Variants in STK39 observed in about 807,000 individuals in gnomAD.
STK39 encodes the protein serine/threonine kinase 39.
STK39 carries 20 observed loss-of-function variants against 77.8 expected under a neutral mutation model. That is an observed-to-expected ratio of 0.26 (90% CI 0.18 to 0.37). The LOEUF (loss-of-function observed/expected upper bound fraction) is 0.37. STK39 is among the 10% of genes least tolerant of loss of function. The pLI, the probability that STK39 is intolerant of heterozygous loss-of-function variation, is 1.00. For missense variants in STK39, 479 were observed against 656.5 expected (o/e 0.73, Z 2.95); for synonymous variants, 246 against 234.1 (o/e 1.05, Z -0.47).
At chr2:168,219,869 CTTTT>C (rs200725506) in intron 1 of STK39, among the ~76,000 whole-genome samples, 45 of 86,618 alleles carry the variant, frequency 5.2e-4, no homozygotes, top group African/African-American at 1.3e-3. Context: ...ACTTTTCTTG[CTTTT>C]TTTTTTTTTT....
At chr2:168,230,553 G>T (rs1033700799) in intron 1 of STK39, among the ~76,000 whole-genome samples, 3 of 152,158 alleles carry the variant, frequency 2.0e-5, no homozygotes, top group Non-Finnish European at 4.4e-5. Flanking sequence ...AACCCAAATT[G>T]CTAACTTGTA....
At chr2:168,129,386 G>A (rs1574488171) in intron 10 of STK39, among the ~76,000 whole-genome samples, 155 bp downstream of exon 10, 2 of 152,166 alleles carry the variant, frequency 1.3e-5, no homozygotes, top group Non-Finnish European at 1.5e-5. Flanking sequence ...CTGAGATAAC[G>A]AAAAGGCAAA....
chr2:168,226,431 G>A (rs1690308057), intron 1 of STK39, among the ~76,000 whole-genome samples: 1 of 151,970 alleles, frequency 6.6e-6, no homozygotes, highest in Admixed American at 6.6e-5. Flanking sequence ...CAACCTAAAG[G>A]GCAGATTAAC....
chr2:168,045,329 GAAACACTC>G (rs1247176359), intron 14 of STK39, among the ~76,000 whole-genome samples: 1 of 152,130 alleles, frequency 6.6e-6, no homozygotes, highest in Non-Finnish European at 1.5e-5. Context: ...CTCTAGAACA[GAAACACTC>G]AGGCCCCCTG....
intron 1 of STK39, among the ~76,000 whole-genome samples, chr2:168,203,975 G>A (rs902189166): frequency 3.3e-5 from 5 of 152,212 alleles, no homozygotes; most frequent in African/African-American, 1.2e-4. Context: ...CATGGGAAAA[G>A]AAAGGGGGAA....
At position 168,215,801 on chromosome 2, in the gene STK39, G is replaced by A. The variant is rs187696860; in HGVS notation, c.208+31427C>T. The stretch of plus-strand genomic sequence containing the variant: ...GGGCTAGGTGAGGAACTGTATTTTA[G>A]AAAACCTAAAATAGCCTTTTATCAG... On this transcript the variant is annotated intron_variant, in intron 1 of 17. Transcript: ENST00000355999. Among the ~76,000 whole-genome samples the A allele has an allele frequency of 4.8e-3, 723 of 152,204 alleles. 3 individuals carry two copies. The highest frequency in any genetic ancestry group is 8.4e-3 in the Non-Finnish European group (568 of 68,012).
At chr2:168,040,618 C>T (rs533222154) in intron 14 of STK39, among the ~76,000 whole-genome samples, 3 of 152,296 alleles carry the variant, frequency 2.0e-5, no homozygotes, top group Admixed American at 2.0e-4. Flanking sequence ...ATCCAGATTT[C>T]TTCACCTAGA....
At chr2:168,016,987 T>C (rs776745758) in intron 15 of STK39, 56 bp downstream of exon 15, 5 of 1,387,818 alleles carry the variant, frequency 3.6e-6, no homozygotes, top group Non-Finnish European at 5.0e-6. Context: ...ATGCTTGTAA[T>C]CAATTTCTGC....
At chr2:168,125,826 C>A (rs1222493587) in intron 10 of STK39, among the ~76,000 whole-genome samples, 1 of 152,090 alleles carries the variant, frequency 6.6e-6, no homozygotes, top group Non-Finnish European at 1.5e-5. Flanking sequence ...GACAAGATCA[C>A]CTACCCTCGT....
chr2:168,224,614 A>G (rs1247309287), intron 1 of STK39, among the ~76,000 whole-genome samples: 2 of 152,208 alleles, frequency 1.3e-5, no homozygotes, highest in Admixed American at 6.5e-5. Flanking sequence ...CTTAAATTAC[A>G]CATGTCCTTA....
chr2:168,070,261 T>G (rs1416362624), intron 12 of STK39, among the ~76,000 whole-genome samples: 3 of 152,238 alleles, frequency 2.0e-5, no homozygotes, highest in East Asian at 1.9e-4. Context: ...CTAACACAGT[T>G]CCAAGTGGAA....
chr2:168,215,632 A>G (rs1690006669), intron 1 of STK39, among the ~76,000 whole-genome samples: 1 of 152,200 alleles, frequency 6.6e-6, no homozygotes, highest in East Asian at 1.9e-4. Flanking sequence ...AAAATAAACT[A>G]AAAGGCTGCC....
intron 1 of STK39, among the ~76,000 whole-genome samples, chr2:168,225,480 T>G (rs1043971599): frequency 2.0e-5 from 3 of 152,148 alleles, no homozygotes; most frequent in Admixed American, 1.3e-4. Context: ...CATAGTACTT[T>G]AAATCCAGCA....
chr2:167,968,419 T>C (rs1490088436), intron 16 of STK39, among the ~76,000 whole-genome samples: 1 of 152,258 alleles, frequency 6.6e-6, no homozygotes, highest in East Asian at 1.9e-4. Context: ...TACGTCTATA[T>C]TCTGAGTAAT....
intron 16 of STK39, among the ~76,000 whole-genome samples, chr2:167,970,565 G>A (rs1376737366): frequency 6.6e-6 from 1 of 152,196 alleles, no homozygotes; most frequent in Non-Finnish European, 1.5e-5. Context: ...GTTTTGGAAA[G>A]TTTCTACAAA....
At chr2:167,961,774 G>A (rs937417236) in intron 17 of STK39, among the ~76,000 whole-genome samples, 2 of 152,202 alleles carry the variant, frequency 1.3e-5, no homozygotes, top group African/African-American at 4.8e-5. Context: ...GAACCACCAT[G>A]AAGTCCTTTT....
intron 1 of STK39, among the ~76,000 whole-genome samples, chr2:168,231,612 G>A (rs1574577464): frequency 2.6e-5 from 4 of 151,826 alleles, no homozygotes; most frequent in Admixed American, 2.6e-4. Context: ...TTTCTTTTTA[G>A]AAGATCTTGG....
intron 14 of STK39, among the ~76,000 whole-genome samples, chr2:168,023,687 G>A (rs1442219251): frequency 2.0e-5 from 3 of 152,110 alleles, no homozygotes; most frequent in African/African-American, 4.8e-5. Flanking sequence ...TGATTAAAGC[G>A]GTAGAAATCC....
intron 16 of STK39, among the ~76,000 whole-genome samples, chr2:168,007,556 T>A (rs1289449046): frequency 6.6e-6 from 1 of 151,752 alleles, no homozygotes; most frequent in Non-Finnish European, 1.5e-5. Context: ...TGGGGAGAGA[T>A]TAGGTAGAAT....
Sources: gnomAD v4.1 joint callset for allele counts (sites outside exome capture counted in the v4.1 genomes callset) on GRCh38, gnomAD v4.1.1 for gene constraint, MANE v1.5 for transcripts, NCBI Gene and HGNC (gene_info 2026-07-23, HGNC 2026-07-21) for gene names.